TMC5: variants seen among roughly 807,000 people sequenced by gnomAD.
TMC5 encodes the protein transmembrane channel like 5.
TMC5 carries 86 observed loss-of-function variants against 110.5 expected under a neutral mutation model. The observed-to-expected ratio is 0.78, with a 90% CI of 0.65 to 0.93. TMC5 has a LOEUF of 0.93. TMC5 is among the 40% of genes least tolerant of loss of function. The pLI, the probability that TMC5 is intolerant of heterozygous loss-of-function variation, is 0.00. For synonymous variants in TMC5, 455 were observed against 439.5 expected (o/e 1.04, Z -0.44); for missense variants, 1,144 against 1,222.8 (o/e 0.94, Z 0.96).
intron 15 of TMC5, 33 bp from the exon 16 acceptor site, chr16:19,486,912 C>T: frequency 6.3e-7 from 1 of 1,597,922 alleles, no homozygotes; most frequent in Non-Finnish European, 8.6e-7. Flanking sequence ...GTGTCTCCGC[C>T]AGCCTCTGAC....
At chr16:19,463,223 T>C (rs982795420) in intron 6 of TMC5, 57 bp from the exon 7 acceptor site, 10 of 1,346,322 alleles carry the variant, frequency 7.4e-6, no homozygotes, top group Middle Eastern at 3.6e-4. Flanking sequence ...TAACTATTTT[T>C]TGAATGAATG....
intron 2 of TMC5, among the ~76,000 whole-genome samples, chr16:19,434,658 T>A (rs1285946300): frequency 6.6e-6 from 1 of 151,648 alleles, no homozygotes; most frequent in African/African-American, 2.4e-5. Flanking sequence ...CCTGGTTGAG[T>A]GTGTGACTTT....
At chr16:19,416,180 T>A (rs1966876037), upstream of TMC5, among the ~76,000 whole-genome samples, 1 of 148,264 alleles carries the variant, frequency 6.7e-6, no homozygotes, top group Admixed American at 6.7e-5. Context: ...AGCAAGAGCC[T>A]GTCTCAAAGG....
intron 1 of TMC5, among the ~76,000 whole-genome samples, chr16:19,419,556 G>A (rs1254644486): frequency 6.6e-6 from 1 of 151,848 alleles, no homozygotes; most frequent in African/African-American, 2.4e-5. Flanking sequence ...GGGACTACGG[G>A]CGCCTGCCAC....
At chr16:19,465,049 TTCTTTCTTTTCCTTCCTTCCTTCCTTCC>T (rs1968138263) in intron 8 of TMC5, among the ~76,000 whole-genome samples, 2 of 102,214 alleles carry the variant, frequency 2.0e-5, no homozygotes, top group African/African-American at 1.0e-4. Context: ...CTTTCTTTCT[TTCTTTCTTTTCCTTCCTTCCTTCCTTCC>T]TTCCTTCCTT....
intron 17 of TMC5, among the ~76,000 whole-genome samples, chr16:19,489,892 G>T (rs2143749685): frequency 6.6e-6 from 1 of 151,378 alleles, no homozygotes; most frequent in Admixed American, 6.6e-5. Flanking sequence ...GGGCTCAAGT[G>T]ATCCTCCCAC....
At chr16:19,454,490 C>T (rs1967820533) in intron 5 of TMC5, among the ~76,000 whole-genome samples, 1 of 152,172 alleles carries the variant, frequency 6.6e-6, no homozygotes, top group Non-Finnish European at 1.5e-5. Flanking sequence ...TTTCATGAAG[C>T]ATCAGTTTTC....
rs562617996 is a variant in TMC5 at position 19,425,952 on chromosome 16, G to T, written c.-307-4461G>T. 4.5e-3 allele frequency among the ~76,000 whole-genome samples: 681 copies of T among 152,296 alleles called. 3 individuals carry two copies. The highest frequency in any genetic ancestry group is 6.5e-3 in the Non-Finnish European group (440 of 68,030). On this transcript the variant is annotated intron_variant, in intron 1 of 21. Coordinates refer to ENST00000542583, the MANE Select transcript of TMC5 (RefSeq NM_001261841.2). ...TCCACCCGCCTTGGCCTCCCAAATT[G>T]CTGGGATTACAGGCGTGAGCCACCG...
chr16:19,480,020 ATATTC>A (rs1265102366), intron 14 of TMC5, among the ~76,000 whole-genome samples: 1 of 152,158 alleles, frequency 6.6e-6, no homozygotes, highest in African/African-American at 2.4e-5. Context: ...GATAATTTCA[ATATTC>A]TAGTATATAT....
At chr16:19,466,047 G>C (rs1360677289) in intron 8 of TMC5, 35 bp from the exon 9 acceptor site, 1 of 1,598,030 alleles carries the variant, frequency 6.3e-7, no homozygotes, top group Non-Finnish European at 8.5e-7. Context: ...TTTTTCAGGA[G>C]ATCCACCTGA....
upstream of TMC5, among the ~76,000 whole-genome samples, chr16:19,417,114 AG>A (rs1966882671): frequency 2.1e-5 from 3 of 144,378 alleles, no homozygotes; most frequent in Non-Finnish European, 3.0e-5. Flanking sequence ...AAAAAAAAAA[AG>A]AAGAAAAGAA....
At chr16:19,464,126 G>T in intron 8 of TMC5, 102 bp downstream of exon 8, 1 of 1,322,174 alleles carries the variant, frequency 7.6e-7, no homozygotes, top group East Asian at 2.3e-5. Context: ...TTGCCTGGGG[G>T]TCAACTGATG....
chr16:19,474,070 A>C (rs1968419670), intron 11 of TMC5, 55 bp from the exon 12 acceptor site: 1 of 1,537,772 alleles, frequency 6.5e-7, no homozygotes. Context: ...TGAGTGAAGC[A>C]GAAAGGGGTA....
rs542700942 is a variant in TMC5 at position 19,499,108 on chromosome 16, A to G, written c.*1142A>G. The G allele has an allele frequency of 1.3e-5, 2 of 152,226 alleles. No homozygotes were observed. The highest frequency in any genetic ancestry group is 4.8e-5 in the African/African-American group (2 of 41,536). 9.4% of individuals were successfully genotyped at this position (152,226 alleles called of 1,614,324 possible). ...AAAGTAAATTAAAAGTCTTATTCAA[A>G]CCAAATATGAAACTGGTGGTGATGT... On this transcript the variant is annotated 3_prime_UTR_variant, in exon 22 of 22. Coordinates refer to ENST00000542583, the MANE Select transcript of TMC5 (RefSeq NM_001261841.2).
At chr16:19,456,353 A>C in intron 5 of TMC5, 2 of 605,478 alleles carry the variant, frequency 3.3e-6, no homozygotes, top group Non-Finnish European at 4.2e-6. Context: ...TTGCCCTTTG[A>C]CTATGAGTCA....
At chr16:19,425,907 A>G (rs2301213) in intron 1 of TMC5, among the ~76,000 whole-genome samples, 120,347 of 152,054 alleles carry the variant, frequency 0.79, 47,886 homozygotes, top group South Asian at 0.9. Flanking sequence ...GGCTGATCTC[A>G]AACTCCTGAC....
intron 5 of TMC5, chr16:19,456,880 C>T (rs1967889103): frequency 2.5e-6 from 4 of 1,614,042 alleles, no homozygotes; most frequent in African/African-American, 2.7e-5. Flanking sequence ...CTCAGACAGT[C>T]AGCAAAAGGA....
At chr16:19,467,745 G>A (rs1968226464) in intron 9 of TMC5, among the ~76,000 whole-genome samples, 1 of 152,072 alleles carries the variant, frequency 6.6e-6, no homozygotes, top group South Asian at 2.1e-4. Context: ...GCCTCCCAAA[G>A]TGCTGGGATT....
intron 2 of TMC5, among the ~76,000 whole-genome samples, chr16:19,438,461 A>G (rs1967407468): frequency 2.1e-5 from 1 of 47,930 alleles, no homozygotes; most frequent in South Asian, 1.1e-3. Context: ...AAGAAAGAAA[A>G]CTCAACCAAG....
Sources: gnomAD v4.1 joint callset for allele counts (sites outside exome capture counted in the v4.1 genomes callset) on GRCh38, gnomAD v4.1.1 for gene constraint, MANE v1.5 for transcripts, NCBI Gene and HGNC (gene_info 2026-07-23, HGNC 2026-07-21) for gene names.